ZNF354A: variants seen among roughly 807,000 people sequenced by gnomAD.
The protein encoded by ZNF354A is zinc finger protein 354A.
A neutral mutation model predicts 53.3 loss-of-function variants in ZNF354A; 25 were observed. The ratio of observed to expected loss-of-function variants is 0.47; its 90% CI spans 0.34 to 0.66. ZNF354A has a LOEUF of 0.66. ZNF354A is among the 30% of genes least tolerant of loss of function. The pLI is 0.01. For missense variants in ZNF354A, 586 were observed against 716.8 expected, an observed-to-expected ratio of 0.82 and a Z score of 2.08; for synonymous variants, 228 against 249.0, an observed-to-expected ratio of 0.92 and a Z score of 0.79.
intron 2 of ZNF354A, among the ~76,000 whole-genome samples, chr5:178,728,753 C>G (rs1344354923): frequency 7.1e-6 from 1 of 141,202 alleles, no homozygotes; most frequent in African/African-American, 2.7e-5. Flanking sequence ...GCCGAGATCC[C>G]GCCACTGCCT....
rs371309306 is a variant in ZNF354A at position 178,725,489 on chromosome 5, A to G, written c.161-18T>C. ...TGGGAGCCCTGCACATAAACAAAAA[A>G]CCACAACCAAACAAATCAGACTTGG... On this transcript the variant is annotated intron_variant, in intron 3 of 4. Coordinates refer to ENST00000335815, the MANE Select transcript of ZNF354A (RefSeq NM_005649.3). The G allele has an allele frequency of 1.3e-4, 217 of 1,611,236 alleles. No individual in the cohort carries two copies. Among genetic ancestry groups the G allele is most frequent in the Non-Finnish European group, 1.8e-4 (208 of 1,178,012 alleles).
intron 4 of ZNF354A, among the ~76,000 whole-genome samples, chr5:178,717,680 TTTGGGGGTCAGCAGC>T (rs1765739916): frequency 1.3e-5 from 2 of 151,942 alleles, no homozygotes; most frequent in Admixed American, 1.3e-4. Flanking sequence ...TAGACAGGCA[TTTGGGGGTCAGCAGC>T]ATGTGGGTTT....
In ZNF354A at chr5:178,712,208, T is replaced by C. The variant is rs746713469; in HGVS notation, c.1670A>G (p.Lys557Arg). ...EKPFKCNTCG[K>R]TFRQSSSRIA... ...ACGTGATGAGCTTTGTCTAAAAGTT[T>C]TTCCACATGTATTACATTTAAAGGG... Residue 557 changes from lysine to arginine, a missense_variant, in exon 5 of 5, where the codon AAA becomes AGA. Transcript: ENST00000335815. 7 of 1,614,030 alleles carry C rather than the reference T, an allele frequency of 4.3e-6. No individual in the cohort carries two copies. Among genetic ancestry groups the C allele is most frequent in the Non-Finnish European group, 5.9e-6 (7 of 1,180,008 alleles).
rs960755984 is a variant in ZNF354A, at chr5:178,727,018, A to G, written c.141T>C (p.Tyr47=). The stretch of plus-strand genomic sequence containing the variant: ...CCTTACCCAGTGAGACCAGGTTCCT[A>G]TAGTTCTCCAGCATCACATCCCGGT... The part of the protein sequence containing the change: ...NLYRDVMLEN[Y]RNLVSLGLPF... The change falls in exon 3 of 5, where the codon TAT becomes TAC. Residue 47 remains tyrosine, a synonymous_variant. Transcript: ENST00000335815. 7 of 1,613,238 alleles carry G rather than the reference A, an allele frequency of 4.3e-6. No individual in the cohort carries two copies. The highest frequency in any genetic ancestry group is 5.9e-6 in the Non-Finnish European group (7 of 1,179,772).
chr5:178,714,294 T>C (rs1765678241), intron 4 of ZNF354A, among the ~76,000 whole-genome samples: 1 of 152,020 alleles, frequency 6.6e-6, no homozygotes, highest in Non-Finnish European at 1.5e-5. Context: ...CATGAGCCAC[T>C]GTGCTCAGCC....
chr5:178,727,180 G>A, intron 2 of ZNF354A, 55 bp from the exon 3 acceptor site: 1 of 1,514,186 alleles, frequency 6.6e-7, no homozygotes, highest in East Asian at 2.3e-5. Flanking sequence ...GAGCAGAGGG[G>A]GCGGCAGTGG....
intron 4 of ZNF354A, among the ~76,000 whole-genome samples, chr5:178,716,077 A>G (rs1237304487): frequency 6.6e-6 from 1 of 151,990 alleles, no homozygotes; most frequent in Non-Finnish European, 1.5e-5. Flanking sequence ...TTGTATTTTT[A>G]GTAGAGACAG....
intron 4 of ZNF354A, among the ~76,000 whole-genome samples, chr5:178,723,890 T>G (rs555269028): frequency 1.2e-4 from 18 of 151,900 alleles, no homozygotes; most frequent in East Asian, 1.2e-3. Flanking sequence ...AGATTCCTCC[T>G]GCTTAAGCAC....
rs751516336 is a variant in ZNF354A at position 178,713,056 on chromosome 5, T to C, written c.822A>G (p.Glu274=). 1.9e-6 allele frequency: 3 copies of C among 1,614,058 alleles called. No individual in the cohort carries two copies. In the Admixed American group the frequency reaches 5.0e-5, roughly 27 times the overall value. The stretch of plus-strand genomic sequence containing the variant: ...TACTGAGAGTAAAGGCTTTCCCACA[T>C]TCTTTACATATGTAGGGTTTCTCTC... ...HTGEKPYICK[E]CGKAFTLSTS... is the part of the protein sequence containing the mutation. Residue 274 remains glutamate (E), a synonymous_variant, in exon 5 of 5, where the codon GAA becomes GAG. Coordinates refer to ENST00000335815, the MANE Select transcript of ZNF354A (RefSeq NM_005649.3).
At chr5:178,729,872 G>GCTTTTTTTTT (rs746292908) in intron 1 of ZNF354A, among the ~76,000 whole-genome samples, 1 of 143,338 alleles carries the variant, frequency 7.0e-6, no homozygotes. Flanking sequence ...CTAACACGAT[G>GCTTTTTTTTT]TTTCTTTTTT....
chr5:178,713,977 T>A (rs1472943307), intron 4 of ZNF354A, among the ~76,000 whole-genome samples: 5 of 139,270 alleles, frequency 3.6e-5, no homozygotes, highest in Admixed American at 7.2e-5. Flanking sequence ...AATCCTAATT[T>A]TTTTTTGTTT....
intron 1 of ZNF354A, among the ~76,000 whole-genome samples, 154 bp downstream of exon 1, chr5:178,730,402 G>A (rs1011027831): frequency 6.6e-6 from 1 of 151,880 alleles, no homozygotes; most frequent in East Asian, 1.9e-4. Context: ...AGCGCCCCGC[G>A]GGGGGGCGAG....
At position 178,713,496 on chromosome 5, in the gene ZNF354A, A is replaced by G; in HGVS notation, c.382T>C (p.Tyr128His). ...WDLKLEKPYI[Y>H]EGRLEKKQDK... ...TGCTTTTTCTCTAATCTGCCTTCAT[A>G]TATGTAAGGCTTTTCTAATTTCAAA... Residue 128 changes from tyrosine (Y) to histidine (H), a missense_variant, in exon 5 of 5, where the codon TAT (tyrosine) becomes CAT (histidine). This residue lies in a region of ZNF354A where 573 missense variants were observed against 680.1 expected (regional missense o/e 0.84). Coordinates refer to ENST00000335815, the MANE Select transcript of ZNF354A (RefSeq NM_005649.3). 6.2e-7 allele frequency: 1 copy of G among 1,613,844 alleles called. No individual in the cohort carries two copies. The highest frequency in any genetic ancestry group is 8.5e-7 in the Non-Finnish European group (1 of 1,179,992).
rs557131463 is a variant in ZNF354A, at chr5:178,727,099, A to G, written c.60T>C (p.Ala20=). ...PQVSLTFEDV[A]VLFTRDEWRK... ...TCCACTCATCTCGGGTAAACAGCAC[A>G]GCCACATCCTCAAACGTCAGTGACA... Residue 20 remains alanine, a synonymous_variant, in exon 3 of 5, where the codon GCT becomes GCC. Transcript: ENST00000335815. 1 of 1,614,058 alleles carries G rather than the reference A, an allele frequency of 6.2e-7. No individual in the cohort carries two copies. Among genetic ancestry groups the G allele is most frequent in the South Asian group, 1.1e-5 (1 of 91,050 alleles).
intron 4 of ZNF354A, among the ~76,000 whole-genome samples, chr5:178,721,731 C>T (rs975176494): frequency 3.3e-5 from 5 of 152,168 alleles, no homozygotes; most frequent in African/African-American, 1.2e-4. Context: ...CAACTTCAAT[C>T]ATAGACTCAT....
intron 3 of ZNF354A, chr5:178,726,184 G>A (rs750417279): frequency 3.7e-5 from 17 of 455,804 alleles, no homozygotes; most frequent in Middle Eastern, 3.2e-4. Flanking sequence ...AGCAAACTAC[G>A]GGTCATGGGC....
At chr5:178,717,665 A>G (rs1765739731) in intron 4 of ZNF354A, among the ~76,000 whole-genome samples, 1 of 152,118 alleles carries the variant, frequency 6.6e-6, no homozygotes, top group Non-Finnish European at 1.5e-5. Flanking sequence ...GGGAGGTCAG[A>G]GCTATAGACA....
intron 4 of ZNF354A, among the ~76,000 whole-genome samples, chr5:178,721,461 CATT>C (rs2052885241): frequency 1.3e-5 from 2 of 152,154 alleles, no homozygotes; most frequent in Non-Finnish European, 2.9e-5. Context: ...TTGACTGAAA[CATT>C]ATGTGCTCCA....
Position 178,713,423 on chromosome 5 carries a change from AT to A in ZNF354A, c.454del (p.Ile152SerfsTer4). ...TTTATGGCTTCTTTCTATAGTGGGG[AT>A]TTTTTTGTGGGTGGCTGAAACTATC... ...FQIVSATHKK[I>X]PTIERSHKNT... On this transcript the variant is annotated frameshift_variant, in exon 5 of 5. Transcript: ENST00000335815. LOFTEE classifies it high-confidence loss of function. 1 of 1,612,800 alleles carries A rather than the reference AT, an allele frequency of 6.2e-7. No individual in the cohort carries two copies. The highest frequency in any genetic ancestry group is 1.1e-5 in the South Asian group (1 of 90,956).
Sources: allele counts gnomAD v4.1 joint callset (sites outside exome capture counted in the v4.1 genomes callset), GRCh38; gene constraint gnomAD v4.1.1; regional missense constraint gnomAD v4.1.1; transcripts MANE v1.5; gene names NCBI Gene and HGNC (gene_info 2026-07-23, HGNC 2026-07-21).